Variants in DOP1B observed in about 807,000 individuals in gnomAD.
DOP1B encodes DOP1 leucine zipper like protein B.
In DOP1B, 174 loss-of-function variants were observed where a neutral mutation model predicts 233.5. The observed-to-expected ratio is 0.75, with a 90% confidence interval of 0.66 to 0.85. The LOEUF is 0.85. Among genes scored for constraint, DOP1B ranks in the 40% least tolerant of loss-of-function variants. The probability of loss-of-function intolerance (pLI) is 0.00; values close to 1 mark genes in which losing one functional copy is unlikely to be tolerated. For missense variants in DOP1B, 2,652 were observed against 2,846.6 expected (o/e 0.93, Z 1.56); for synonymous variants, 1,190 against 1,185.6 (o/e 1.00, Z -0.08).
At chr21:36,234,104 C>T (rs1002654794) in intron 15 of DOP1B, among the ~76,000 whole-genome samples, 12 of 151,882 alleles carry the variant, frequency 7.9e-5, no homozygotes, top group African/African-American at 2.4e-4. Flanking sequence ...TTGGGAGGCC[C>T]GCCTCAGCCT....
chr21:36,249,026 AC>A (rs2067002625), intron 21 of DOP1B, among the ~76,000 whole-genome samples: 1 of 149,590 alleles, frequency 6.7e-6, no homozygotes, highest in African/African-American at 2.5e-5. Context: ...AATCGCTGGA[AC>A]CTGGGAGGCG....
chr21:36,261,361 T>C, intron 24 of DOP1B: 1 of 900,216 alleles, frequency 1.1e-6, no homozygotes, highest in Non-Finnish European at 1.3e-6. Flanking sequence ...CAAGGCTCTG[T>C]CTCAAAAAAA....
At chr21:36,236,691 C>A (rs536693470) in intron 15 of DOP1B, among the ~76,000 whole-genome samples, 1 of 152,232 alleles carries the variant, frequency 6.6e-6, no homozygotes, top group African/African-American at 2.4e-5. Flanking sequence ...GGCCAGAAAC[C>A]TCCAGGTTTG....
intron 32 of DOP1B, among the ~76,000 whole-genome samples, chr21:36,283,404 A>C (rs1302597154): frequency 7.1e-6 from 1 of 141,538 alleles, no homozygotes; most frequent in East Asian, 2.1e-4. Flanking sequence ...GTTTTAGTTC[A>C]AAGCATTAAC....
intron 2 of DOP1B, among the ~76,000 whole-genome samples, chr21:36,175,277 A>T (rs545126751): frequency 1.2e-3 from 175 of 151,818 alleles, no homozygotes; most frequent in Non-Finnish European, 2.0e-3. Context: ...CAGCCAGCTA[A>T]TTTTTGTATT....
At position 36,245,748 on chromosome 21, in the gene DOP1B, G is replaced by A. The variant is rs777905885; in HGVS notation, c.3768G>A (p.Lys1256=). The change falls in exon 19 of 37, where the codon AAG becomes AAA. Residue 1256 remains lysine, a synonymous_variant. Coordinates refer to ENST00000691173, the MANE Select transcript of DOP1B (RefSeq NM_001320714.2). The surrounding 1 kb of genome is among the most constrained non-coding windows in gnomAD (Gnocchi z 5.5). ...AGGCTGTGCTCAAAACCAACCCTAA[G>A]GAATTCATCGAGGCTGTGTCCAGGA... ...VLEAVLKTNP[K]EFIEAVSRTS... 109 of 1,613,854 alleles carry A rather than the reference G, an allele frequency of 6.8e-5. No individual in the cohort carries two copies. The highest frequency in any genetic ancestry group is 8.6e-5 in the Non-Finnish European group (102 of 1,179,998).
chr21:36,288,753 C>A lies in DOP1B; in HGVS notation c.6298-3C>A. 1 of 1,580,382 alleles carries A rather than the reference C, an allele frequency of 6.3e-7. No homozygotes were observed. The highest frequency in any genetic ancestry group is 1.1e-5 in the South Asian group (1 of 87,356). ...TAGTAACTTGAATGCATTTTTTTTT[C>A]AGATTCAGACATTCACACAGCTTGA... is the stretch of plus-strand genomic sequence containing the variant. On this transcript the variant is annotated splice_polypyrimidine_tract_variant and splice_region_variant and intron_variant, in intron 33 of 36. Transcript: ENST00000691173.
In DOP1B at chr21:36,200,566, G is replaced by A. The variant is rs550784577; in HGVS notation, c.491+65G>A. On this transcript the variant is annotated intron_variant, in intron 4 of 36. Transcript: ENST00000691173. ...CTTTATAAGACGCGGGGAGGGGGCC[G>A]GGCGCAGTGGCTCACGCCTGTAATC... 2.2e-4 allele frequency: 328 copies of A among 1,512,026 alleles called. 6 individuals are homozygous for A. In the South Asian group the frequency reaches 3.9e-3, roughly 18 times the overall value. The allele number at this position is 1,512,026 out of a possible 1,614,324, so 93.7% of individuals were successfully genotyped here. A position where few individuals can be genotyped will look rare whatever the true frequency, so the allele number is the denominator to read the frequency against.
chr21:36,254,203 G>A (rs2067066526), intron 23 of DOP1B, among the ~76,000 whole-genome samples: 1 of 152,064 alleles, frequency 6.6e-6, no homozygotes. Context: ...GGCACCAAGT[G>A]GAATAAAATC....
At chr21:36,244,951 ATCTT>A in intron 18 of DOP1B, 93 bp from the exon 19 acceptor site, 1 of 1,252,456 alleles carries the variant, frequency 8.0e-7, no homozygotes, top group Non-Finnish European at 1.1e-6. Flanking sequence ...AGGAATATTG[ATCTT>A]TCTGTCTGGC....
chr21:36,244,980 C>A, intron 18 of DOP1B, 68 bp from the exon 19 acceptor site: 3 of 1,464,478 alleles, frequency 2.0e-6, no homozygotes, highest in Non-Finnish European at 2.8e-6. Context: ...AGACAAAGAC[C>A]GCCCTACAGC....
intron 2 of DOP1B, among the ~76,000 whole-genome samples, chr21:36,166,721 A>G (rs2065914518): frequency 6.6e-6 from 1 of 151,954 alleles, no homozygotes; most frequent in African/African-American, 2.4e-5. Context: ...GTCTAACTCT[A>G]CTCTGCAGAT....
Position 36,245,053 on chromosome 21 carries a change from T to C in DOP1B, c.3073T>C (p.Leu1025=). 1.3e-6 allele frequency: 2 copies of C among 1,593,492 alleles called. No individual in the cohort carries two copies. The highest frequency in any genetic ancestry group is 1.7e-6 in the Non-Finnish European group (2 of 1,163,886). Residue 1025 remains leucine (L), a synonymous_variant, in exon 19 of 37, where the codon TTG becomes CTG. Transcript: ENST00000691173. This position sits in a 1 kb window ranked among gnomAD's most constrained non-coding sequence, Gnocchi z 5.5. ...CLKQENSADD[L]HRWFNRKKTS... is the part of the protein sequence containing the mutation. ...TGTCATCTTGTAATTTTCAGATGAC[T>C]TGCACCGTTGGTTTAACAGGAAGAA... is the stretch of plus-strand genomic sequence containing the variant.
chr21:36,180,875 G>A (rs990073245), intron 2 of DOP1B, among the ~76,000 whole-genome samples: 2 of 146,994 alleles, frequency 1.4e-5, no homozygotes. Flanking sequence ...GACAGAGTGA[G>A]ACTGTGTCTC....
At chr21:36,168,159 G>A (rs1336152786) in intron 2 of DOP1B, among the ~76,000 whole-genome samples, 1 of 151,854 alleles carries the variant, frequency 6.6e-6, no homozygotes, top group Non-Finnish European at 1.5e-5. Context: ...GGCCAGGCTG[G>A]TCTTGAACTC....
At chr21:36,207,899 C>T (rs1249016757) in intron 4 of DOP1B, among the ~76,000 whole-genome samples, 3 of 152,150 alleles carry the variant, frequency 2.0e-5, no homozygotes, top group Non-Finnish European at 2.9e-5. Flanking sequence ...GGGAAAGGGC[C>T]GCAGTCAGCT....
intron 21 of DOP1B, among the ~76,000 whole-genome samples, chr21:36,249,776 C>G (rs1372443180): frequency 6.6e-6 from 1 of 152,082 alleles, no homozygotes; most frequent in Non-Finnish European, 1.5e-5. Flanking sequence ...GTTGAGAGCC[C>G]CCAGGTGCCA....
intron 2 of DOP1B, among the ~76,000 whole-genome samples, chr21:36,188,586 C>G (rs1236495381): frequency 6.6e-6 from 1 of 152,186 alleles, no homozygotes; most frequent in Non-Finnish European, 1.5e-5. Flanking sequence ...ACTCACTGTG[C>G]CACTGTGCAG....
At chr21:36,265,541 C>T (rs1318516144) in intron 26 of DOP1B, among the ~76,000 whole-genome samples, 2 of 152,252 alleles carry the variant, frequency 1.3e-5, no homozygotes, top group Non-Finnish European at 2.9e-5. Flanking sequence ...AGCACTTGCT[C>T]ACCTAAGCCC....
Sources: allele counts gnomAD v4.1 joint callset (sites outside exome capture counted in the v4.1 genomes callset), GRCh38; gene constraint gnomAD v4.1.1; non-coding constraint Gnocchi (gnomAD v3.1); transcripts MANE v1.5; gene names NCBI Gene and HGNC (gene_info 2026-07-23, HGNC 2026-07-21).